The following DIS3L2 variants were observed in gnomAD, a reference collection of about 807,000 sequenced individuals.
DIS3L2 encodes the protein DIS3-like exonuclease 2.
In DIS3L2, 34 loss-of-function variants were observed where a neutral mutation model predicts 97.5. The ratio of observed to expected loss-of-function variants is 0.35; its 90% CI spans 0.27 to 0.46. The LOEUF (loss-of-function observed/expected upper bound fraction) is 0.46, where lower values mean the gene tolerates loss of function less well. Among genes scored for constraint, DIS3L2 ranks in the 20% least tolerant of loss-of-function variants. The pLI is 1.00. For synonymous variants in DIS3L2, 435 were observed against 445.2 expected (o/e 0.98, Z 0.29); for missense variants, 1,038 against 1,146.0 (o/e 0.91, Z 1.36).
intron 13 of DIS3L2, among the ~76,000 whole-genome samples, chr2:232,283,793 A>T (rs1018792566): frequency 6.6e-6 from 1 of 151,884 alleles, no homozygotes; most frequent in Non-Finnish European, 1.5e-5. Flanking sequence ...TGGCGGGGGG[A>T]GCAGAGGGTG....
At chr2:232,071,573 C>A (rs1162987106) in intron 5 of DIS3L2, among the ~76,000 whole-genome samples, 1 of 150,936 alleles carries the variant, frequency 6.6e-6, no homozygotes, top group Non-Finnish European at 1.5e-5. Flanking sequence ...TGGGATTTAA[C>A]CCAAGACAGA....
chr2:232,098,814 T>G (rs147150583), intron 6 of DIS3L2, among the ~76,000 whole-genome samples: 2 of 152,330 alleles, frequency 1.3e-5, no homozygotes, highest in East Asian at 3.9e-4. Context: ...AAACATCTTC[T>G]CTCATTTTGT....
At chr2:232,132,961 G>C (rs1333800700) in intron 7 of DIS3L2, among the ~76,000 whole-genome samples, 1 of 152,126 alleles carries the variant, frequency 6.6e-6, no homozygotes, top group Non-Finnish European at 1.5e-5. Flanking sequence ...GGAAGCCCCT[G>C]TGTTCTCACA....
At chr2:232,068,304 G>A (rs1695906158) in intron 5 of DIS3L2, among the ~76,000 whole-genome samples, 1 of 151,964 alleles carries the variant, frequency 6.6e-6, no homozygotes, top group South Asian at 2.1e-4. Context: ...AAGTGCAGTG[G>A]CTCACAACTG....
intron 1 of DIS3L2, among the ~76,000 whole-genome samples, chr2:231,994,815 CTT>C (rs560154000): frequency 1.7e-4 from 23 of 134,370 alleles, no homozygotes; most frequent in East Asian, 2.1e-4. Flanking sequence ...CATTCTTTTT[CTT>C]TTTTTTTTTT....
At chr2:232,038,326 T>C (rs2106249454) in intron 5 of DIS3L2, among the ~76,000 whole-genome samples, 1 of 152,202 alleles carries the variant, frequency 6.6e-6, no homozygotes, top group East Asian at 1.9e-4. Flanking sequence ...AGAAAGATGG[T>C]GGCATCTTTT....
At chr2:231,992,923 C>T (rs1693623546) in intron 1 of DIS3L2, among the ~76,000 whole-genome samples, 2 of 152,156 alleles carry the variant, frequency 1.3e-5, no homozygotes, top group South Asian at 4.1e-4. Context: ...AACTTTGAGG[C>T]TCCTCAGAGT....
intron 10 of DIS3L2, among the ~76,000 whole-genome samples, chr2:232,212,904 C>A (rs1289557717): frequency 6.6e-6 from 1 of 152,130 alleles, no homozygotes; most frequent in African/African-American, 2.4e-5. Context: ...GCCAAGGTTT[C>A]AACCTGGATG....
chr2:232,116,513 C>T (rs754866129), intron 6 of DIS3L2, among the ~76,000 whole-genome samples: 14 of 152,216 alleles, frequency 9.2e-5, no homozygotes, highest in African/African-American at 2.7e-4. Flanking sequence ...AAATAATTCC[C>T]GTTCTCCTTA....
intron 1 of DIS3L2, among the ~76,000 whole-genome samples, chr2:231,993,700 A>G (rs952588104): frequency 2.5e-4 from 38 of 151,938 alleles, no homozygotes; most frequent in Admixed American, 1.3e-4. Flanking sequence ...ATATACATTT[A>G]AGTCCCTCCC....
chr2:231,975,704 CAA>C (rs34710079), intron 1 of DIS3L2, among the ~76,000 whole-genome samples: 17 of 55,404 alleles, frequency 3.1e-4, no homozygotes, highest in Admixed American at 9.4e-4. Context: ...GACTCCGCCT[CAA>C]AAAAAAAAAA....
At chr2:232,009,182 C>T (rs73995040) in intron 1 of DIS3L2, among the ~76,000 whole-genome samples, 9,533 of 152,100 alleles carry the variant, frequency 0.063, 1,095 homozygotes, top group East Asian at 0.5. Context: ...CTTTGAAGTC[C>T]TATTGTCTAA....
At chr2:232,020,072 G>A (rs980577345) in intron 3 of DIS3L2, among the ~76,000 whole-genome samples, 2 of 151,972 alleles carry the variant, frequency 1.3e-5, no homozygotes, top group African/African-American at 2.4e-5. Context: ...TGGTGTTTCT[G>A]AGAAATGAGA....
intron 1 of DIS3L2, among the ~76,000 whole-genome samples, chr2:231,993,704 C>T (rs1045538075): frequency 2.6e-5 from 4 of 151,484 alleles, no homozygotes; most frequent in Non-Finnish European, 5.9e-5. Context: ...ACATTTAAGT[C>T]CCTCCCTCTC....
chr2:232,014,527 A>G (rs1485081997), intron 1 of DIS3L2, among the ~76,000 whole-genome samples: 1 of 152,160 alleles, frequency 6.6e-6, no homozygotes, highest in Non-Finnish European at 1.5e-5. Context: ...ATATTTCTTT[A>G]TATTTTTGTG....
At chr2:232,051,186 A>G (rs1695388462) in intron 5 of DIS3L2, among the ~76,000 whole-genome samples, 1 of 152,156 alleles carries the variant, frequency 6.6e-6, no homozygotes, top group African/African-American at 2.4e-5. Context: ...TCCTTTGTTT[A>G]CTGGCTCTGG....
At chr2:232,316,244 AAGG>A (rs1332917443) in intron 14 of DIS3L2, among the ~76,000 whole-genome samples, 2 of 152,126 alleles carry the variant, frequency 1.3e-5, no homozygotes, top group Non-Finnish European at 2.9e-5. Flanking sequence ...CTAGAATAAG[AAGG>A]AAGGAGTCAT....
intron 10 of DIS3L2, among the ~76,000 whole-genome samples, chr2:232,221,598 G>GT (rs1388419463): frequency 6.6e-6 from 1 of 152,166 alleles, no homozygotes; most frequent in African/African-American, 2.4e-5. Flanking sequence ...GAGGTCAGGA[G>GT]TTAGAGACCA....
At chr2:232,057,257 G>A (rs1695570532) in intron 5 of DIS3L2, among the ~76,000 whole-genome samples, 1 of 152,142 alleles carries the variant, frequency 6.6e-6, no homozygotes, top group African/African-American at 2.4e-5. Context: ...TATTGGTTCT[G>A]GCAGGCAGAA....
Sources: allele counts gnomAD v4.1 joint callset (sites outside exome capture counted in the v4.1 genomes callset), GRCh38; gene constraint gnomAD v4.1.1; transcripts MANE v1.5; gene names NCBI Gene and HGNC (gene_info 2026-07-23, HGNC 2026-07-21).